GAD2: variants seen among roughly 807,000 people sequenced by gnomAD.
GAD2 encodes 65 kDa glutamic acid decarboxylase.
In GAD2, 22 loss-of-function variants were observed where a neutral mutation model predicts 80.1. The ratio of observed to expected loss-of-function variants is 0.27; its 90% confidence interval spans 0.20 to 0.39. GAD2 has a LOEUF of 0.39. GAD2 is among the 10% of genes least tolerant of loss of function. The probability of loss-of-function intolerance (pLI) is 1.00; values close to 1 mark genes in which losing one functional copy is unlikely to be tolerated. For synonymous variants in GAD2, 274 were observed against 256.9 expected, an observed-to-expected ratio of 1.07 and a Z score of -0.64; for missense variants, 624 against 738.4, an observed-to-expected ratio of 0.85 and a Z score of 1.80.
chr10:26,267,289 A>G (rs993962620), intron 8 of GAD2, among the ~76,000 whole-genome samples: 1 of 152,224 alleles, frequency 6.6e-6, no homozygotes, highest in Admixed American at 6.5e-5. Context: ...TGTGCTTTAA[A>G]CTTTATGTAA....
chr10:26,225,551 G>T (rs774856366), intron 6 of GAD2, among the ~76,000 whole-genome samples: 30 of 152,150 alleles, frequency 2.0e-4, no homozygotes, highest in Non-Finnish European at 4.1e-4. Context: ...ACCTGTCGTT[G>T]TGTCAGACAG....
intron 15 of GAD2, among the ~76,000 whole-genome samples, chr10:26,295,703 C>T (rs186520598): frequency 5.3e-5 from 8 of 152,288 alleles, no homozygotes; most frequent in African/African-American, 1.4e-4. Context: ...ATTTCAGTCA[C>T]TCAACTTGTG....
chr10:26,290,786 T>C (rs1031995478), intron 13 of GAD2, among the ~76,000 whole-genome samples: 1 of 152,188 alleles, frequency 6.6e-6, no homozygotes, highest in Non-Finnish European at 1.5e-5. Flanking sequence ...ATTTAATGAA[T>C]GAAAGAATTT....
In GAD2 at chr10:26,297,689, G is replaced by T. The variant is rs569823840; in HGVS notation, c.1585-3099G>T. Among the ~76,000 whole-genome samples the T allele has an allele frequency of 2.0e-5, 3 of 152,308 alleles. No individual in the cohort carries two copies. In the South Asian group the frequency reaches 6.2e-4, roughly 32 times the overall value. On this transcript the variant is annotated intron_variant, in intron 15 of 15. Transcript: ENST00000376261. ...AGACCACTGGGATGGCTAGATAGTA[G>T]AAAGGAGAGCTTTATTGATGATATC...
intron 9 of GAD2, among the ~76,000 whole-genome samples, chr10:26,269,657 A>G (rs1845111569): frequency 6.6e-6 from 1 of 152,242 alleles, no homozygotes; most frequent in Admixed American, 6.5e-5. Flanking sequence ...TGCCTGCCCA[A>G]GATTCCCAAA....
At chr10:26,236,701 G>A (rs1004277984) in intron 7 of GAD2, among the ~76,000 whole-genome samples, 2 of 152,174 alleles carry the variant, frequency 1.3e-5, no homozygotes, top group South Asian at 4.1e-4. Context: ...TTGGAAACAG[G>A]GCTGTTTGGG....
intron 11 of GAD2, among the ~76,000 whole-genome samples, chr10:26,276,889 T>C (rs1845214505): frequency 6.6e-6 from 1 of 152,228 alleles, no homozygotes; most frequent in African/African-American, 2.4e-5. Context: ...GCTGAACCTC[T>C]GTCATAGGCA....
Position 26,269,111 on chromosome 10 carries a change from C to G in GAD2, c.921-8C>G. On this transcript the variant is annotated splice_polypyrimidine_tract_variant and splice_region_variant and intron_variant, in intron 8 of 15. Transcript: ENST00000376261. The stretch of plus-strand genomic sequence containing the variant: ...TCAAAGCAAATCTATATTTCTTTTT[C>G]CTTCCAGAGGGAAAATGATTCCATC... 2 of 1,582,560 alleles carry G rather than the reference C, an allele frequency of 1.3e-6. No individual in the cohort carries two copies. The highest frequency in any genetic ancestry group is 1.7e-6 in the Non-Finnish European group (2 of 1,163,392).
chr10:26,247,261 G>T (rs555667349), intron 8 of GAD2, among the ~76,000 whole-genome samples: 1 of 152,180 alleles, frequency 6.6e-6, no homozygotes, highest in East Asian at 1.9e-4. Context: ...AACTGTCATA[G>T]TGCTGGTGAG....
rs1845331730 is a variant in GAD2 at position 26,286,331 on chromosome 10, C to T, written c.1237-14C>T. On this transcript the variant is annotated splice_polypyrimidine_tract_variant and intron_variant, in intron 12 of 15. Coordinates refer to ENST00000376261, the MANE Select transcript of GAD2 (RefSeq NM_001134366.2). The stretch of plus-strand genomic sequence containing the variant: ...GTCAGTAGAATTTCCTAAATTTTCT[C>T]TTCTCTCTTGTAGGGATTGATGCAG... 6.3e-7 allele frequency: 1 copy of T among 1,598,152 alleles called. No homozygotes were observed.
intron 7 of GAD2, among the ~76,000 whole-genome samples, chr10:26,238,891 T>C (rs1844707548): frequency 6.6e-6 from 1 of 151,680 alleles, no homozygotes; most frequent in African/African-American, 2.4e-5. Flanking sequence ...GTGTACTGTA[T>C]AGGAGCAAGC....
intron 15 of GAD2, among the ~76,000 whole-genome samples, chr10:26,296,653 A>G (rs1260514449): frequency 6.6e-6 from 1 of 152,236 alleles, no homozygotes; most frequent in Non-Finnish European, 1.5e-5. Flanking sequence ...TTACCAAACA[A>G]GAATCAAAAG....
rs541491238 is a variant in GAD2 at position 26,217,683 on chromosome 10, G to A, written c.136+14G>A. 14 of 1,612,768 alleles carry A rather than the reference G, an allele frequency of 8.7e-6. No homozygotes were observed. Among genetic ancestry groups the A allele is most frequent in the Admixed American group, 8.3e-5 (5 of 59,900 alleles). On this transcript the variant is annotated intron_variant, in intron 2 of 15. Transcript: ENST00000376261. The surrounding 1 kb of genome is among the most constrained non-coding windows in gnomAD (Gnocchi z 4.9). Reference sequence around the variant, plus strand: ...ACAAACTGTGCGGTGAGTGCCCAGGGACCGGGGCGGCCAAGGTCGGCCCGC... The same window carrying A: ...ACAAACTGTGCGGTGAGTGCCCAGGAACCGGGGCGGCCAAGGTCGGCCCGC...
rs769872988 is a variant in GAD2 at position 26,216,870 on chromosome 10, G to A, written c.61G>A (p.Glu21Lys). Residue 21 changes from glutamate (E) to lysine (K), a missense_variant, in exon 1 of 16, where the codon GAG becomes AAG. Physicochemically the swap from Glu to Lys is moderately conservative, Grantham distance 56 (BLOSUM62 1). Transcript: ENST00000376261. The surrounding 1 kb of genome is among the most constrained non-coding windows in gnomAD (Gnocchi z 4.7). Reference sequence around the variant, plus strand: ...GTCGGAAGATGGCTCTGGGGATTCCGAGAATCCCGGCACAGGTAGGAAGGA... The same window carrying A: ...GTCGGAAGATGGCTCTGGGGATTCCAAGAATCCCGGCACAGGTAGGAAGGA... ...FGSEDGSGDS[E>K]NPGTARAWCQ... The A allele has an allele frequency of 2.5e-5, 40 of 1,611,302 alleles. No individual in the cohort carries two copies. Among genetic ancestry groups the A allele is most frequent in the Non-Finnish European group, 3.2e-5 (38 of 1,178,892 alleles).
At chr10:26,227,866 T>G (rs74129120) in intron 6 of GAD2, among the ~76,000 whole-genome samples, 2,694 of 152,350 alleles carry the variant, frequency 0.018, 89 homozygotes, top group African/African-American at 0.061. Flanking sequence ...TTCTACCTGA[T>G]TCTACCTGTC....
chr10:26,289,627 C>T (rs556996449), intron 13 of GAD2, among the ~76,000 whole-genome samples: 48 of 151,700 alleles, frequency 3.2e-4, no homozygotes, highest in African/African-American at 1.1e-3. Flanking sequence ...CAGTGCCTAC[C>T]GTTGACTCTC....
chr10:26,270,987 A>G (rs565315310), intron 10 of GAD2, among the ~76,000 whole-genome samples: 1 of 152,198 alleles, frequency 6.6e-6, no homozygotes, highest in Non-Finnish European at 1.5e-5. Flanking sequence ...CAACATGGTA[A>G]TATTTGTATT....
intron 7 of GAD2, among the ~76,000 whole-genome samples, chr10:26,242,506 T>A (rs1355751262): frequency 2.0e-5 from 3 of 152,220 alleles, no homozygotes; most frequent in African/African-American, 7.2e-5. Flanking sequence ...CTATCTTCAC[T>A]GTTTCTCCCT....
At chr10:26,238,043 C>T (rs1377465303) in intron 7 of GAD2, among the ~76,000 whole-genome samples, 1 of 148,206 alleles carries the variant, frequency 6.7e-6, no homozygotes, top group Admixed American at 6.7e-5. Flanking sequence ...CACACACACA[C>T]ACACAAGAAA....
Sources: gnomAD v4.1 joint callset for allele counts (sites outside exome capture counted in the v4.1 genomes callset) on GRCh38, gnomAD v4.1.1 for gene constraint, Gnocchi (gnomAD v3.1) non-coding constraint, MANE v1.5 for transcripts, NCBI Gene and HGNC (gene_info 2026-07-23, HGNC 2026-07-21) for gene names.